The following PCTP variants were observed in gnomAD, a reference collection of about 807,000 sequenced individuals.
PCTP encodes phosphatidylcholine transfer protein, also known as START domain-containing protein 2.
PCTP carries 27 observed loss-of-function variants against 31.0 expected under a neutral mutation model. The ratio of observed to expected loss-of-function variants is 0.87; its 90% CI spans 0.64 to 1.20. The LOEUF (loss-of-function observed/expected upper bound fraction) is 1.20, where lower values mean the gene tolerates loss of function less well. Among genes scored for constraint, PCTP ranks in the 50% most tolerant of loss-of-function variants. The pLI, the probability that PCTP is intolerant of heterozygous loss-of-function variation, is 0.00. For synonymous variants in PCTP, 108 were observed against 101.2 expected, an observed-to-expected ratio of 1.07 and a Z score of -0.40; for missense variants, 287 against 268.2, an observed-to-expected ratio of 1.07 and a Z score of -0.49.
At chr17:55,783,630 A>ATTTT (rs1911643185) in intron 2 of PCTP, among the ~76,000 whole-genome samples, 1 of 152,214 alleles carries the variant, frequency 6.6e-6, no homozygotes, top group Non-Finnish European at 1.5e-5. Context: ...GATTCTGCTT[A>ATTTT]CCAGTGAATG....
intron 1 of PCTP, among the ~76,000 whole-genome samples, chr17:55,763,306 C>T (rs1910439296): frequency 1.3e-5 from 2 of 152,162 alleles, no homozygotes; most frequent in East Asian, 1.9e-4. Context: ...TGGTGAGATG[C>T]TCCTTTGGAA....
At chr17:55,777,820 A>T (rs1188578695), downstream of PCTP, among the ~76,000 whole-genome samples, 1 of 152,230 alleles carries the variant, frequency 6.6e-6, no homozygotes, top group African/African-American at 2.4e-5. Flanking sequence ...TCATTAAAAT[A>T]TCATTATCAA....
chr17:55,778,353 T>C (rs543807233), downstream of PCTP, among the ~76,000 whole-genome samples: 1 of 152,306 alleles, frequency 6.6e-6, no homozygotes, highest in Non-Finnish European at 1.5e-5. Context: ...CTCTAGCACT[T>C]TGTTTTACTT....
downstream of PCTP, among the ~76,000 whole-genome samples, chr17:55,845,085 CAAAAAAAAAAAAAA>C (rs891404386): frequency 1.2e-4 from 4 of 32,526 alleles, no homozygotes; most frequent in East Asian, 1.5e-3. Context: ...AAAACTCCAT[CAAAAAAAAAAAAAA>C]AAAAAAAAAA....
downstream of PCTP, among the ~76,000 whole-genome samples, chr17:55,824,668 T>A (rs1042462788): frequency 6.6e-6 from 1 of 152,206 alleles, no homozygotes; most frequent in Non-Finnish European, 1.5e-5. Context: ...TAAGTGGACC[T>A]GGGTTTCATA....
chr17:55,794,765 G>T lies in PCTP; in HGVS notation c.317+7111G>T, dbSNP rs114941167. On this transcript the variant is annotated intron_variant, in intron 3 of 3. Transcript: ENST00000572536. ...TTTGACCCTTTGTGTGAGCTCTAACGACAAATTCCAGCTCCTGCCAAGAGA... is the reference window on the plus strand; with the variant it reads ...TTTGACCCTTTGTGTGAGCTCTAACTACAAATTCCAGCTCCTGCCAAGAGA... 7.4e-3 allele frequency among the ~76,000 whole-genome samples: 1,120 copies of T among 152,006 alleles called. 15 individuals carry two copies. Among genetic ancestry groups the T allele is most frequent in the African/African-American group, 0.025 (1,032 of 41,506 alleles).
downstream of PCTP, among the ~76,000 whole-genome samples, chr17:55,843,537 T>C (rs1292854420): frequency 6.6e-6 from 1 of 152,234 alleles, no homozygotes; most frequent in Non-Finnish European, 1.5e-5. Context: ...TTCCTTTGTC[T>C]AGAACATTCT....
At chr17:55,840,422 C>T (rs1905936535) in intron 5 of PCTP, among the ~76,000 whole-genome samples, 1 of 152,162 alleles carries the variant, frequency 6.6e-6, no homozygotes, top group African/African-American at 2.4e-5. Context: ...ATTTTACATC[C>T]ATGTAGATAA....
At chr17:55,782,208 C>G (rs1332485102), downstream of PCTP, among the ~76,000 whole-genome samples, 2 of 152,188 alleles carry the variant, frequency 1.3e-5, no homozygotes, top group East Asian at 3.8e-4. Context: ...TTTCAGCTGA[C>G]TGGATGAGAA....
At chr17:55,833,898 T>G (rs1413022369) in intron 5 of PCTP, among the ~76,000 whole-genome samples, 1 of 152,260 alleles carries the variant, frequency 6.6e-6, no homozygotes, top group African/African-American at 2.4e-5. Flanking sequence ...AGCCTTCAAA[T>G]CCTTCACATA....
At chr17:55,761,557 TATA>T (rs1469557938) in intron 1 of PCTP, among the ~76,000 whole-genome samples, 5 of 147,960 alleles carry the variant, frequency 3.4e-5, no homozygotes, top group African/African-American at 4.9e-5. Flanking sequence ...ATATAAAATA[TATA>T]ATATATAAAT....
At chr17:55,796,631 A>G (rs572991051) in intron 3 of PCTP, among the ~76,000 whole-genome samples, 3 of 152,084 alleles carry the variant, frequency 2.0e-5, no homozygotes, top group Admixed American at 6.6e-5. Flanking sequence ...AATTAGGACA[A>G]CTTCAATGTA....
At chr17:55,811,011 T>A (rs9911793) in intron 3 of PCTP, among the ~76,000 whole-genome samples, 2 of 152,012 alleles carry the variant, frequency 1.3e-5, no homozygotes, top group African/African-American at 2.4e-5. Flanking sequence ...GGATAGTTGT[T>A]CCAAGCTATT....
chr17:55,767,765 CTTTTTTTTTTTT>C (rs10634278), intron 2 of PCTP, among the ~76,000 whole-genome samples: 1 of 103,496 alleles, frequency 9.7e-6, no homozygotes, highest in Non-Finnish European at 1.8e-5. Flanking sequence ...GCACCCAGTG[CTTTTTTTTTTTT>C]TTTTTTTTGA....
chr17:55,770,187 G>T (rs1342211678), intron 2 of PCTP: 2 of 152,212 alleles, frequency 1.3e-5, no homozygotes, highest in African/African-American at 4.8e-5. Flanking sequence ...GCACATAATA[G>T]TAAGACGGAA....
chr17:55,752,420 C>A (rs1171054308), intron 1 of PCTP, among the ~76,000 whole-genome samples: 1 of 152,178 alleles, frequency 6.6e-6, no homozygotes, highest in Non-Finnish European at 1.5e-5. Flanking sequence ...AATAACTCTA[C>A]AATGCACAGG....
intron 5 of PCTP, among the ~76,000 whole-genome samples, chr17:55,836,231 A>G (rs1449090789): frequency 1.3e-5 from 2 of 152,230 alleles, no homozygotes; most frequent in Non-Finnish European, 2.9e-5. Context: ...ATATTTTCCA[A>G]TTCATAAAAA....
intron 3 of PCTP, among the ~76,000 whole-genome samples, chr17:55,811,026 A>C (rs1161981910): frequency 2.6e-5 from 4 of 152,158 alleles, no homozygotes; most frequent in Non-Finnish European, 5.9e-5. Context: ...GCTATTACCC[A>C]TCTATAGAAT....
chr17:55,775,522 A>G, intron 5 of PCTP: 1 of 1,180,356 alleles, frequency 8.5e-7, no homozygotes, highest in Non-Finnish European at 1.1e-6. Flanking sequence ...TAAGGAAGCC[A>G]TGCATTTCTT....
Sources: gnomAD v4.1 joint callset for allele counts (sites outside exome capture counted in the v4.1 genomes callset) on GRCh38, gnomAD v4.1.1 for gene constraint, MANE v1.5 for transcripts, NCBI Gene and HGNC (gene_info 2026-07-23, HGNC 2026-07-21) for gene names.